Variants in CALY observed in about 807,000 individuals in gnomAD.
CALY encodes calcyon neuron specific vesicular protein.
A neutral mutation model predicts 20.2 loss-of-function variants in CALY; 15 were observed. The observed-to-expected ratio is 0.74, with a 90% CI of 0.50 to 1.14. The LOEUF (loss-of-function observed/expected upper bound fraction) is 1.14. CALY is among the 50% of genes most tolerant of loss of function. The probability of loss-of-function intolerance (pLI) is 0.00; values close to 1 mark genes in which losing one functional copy is unlikely to be tolerated. For synonymous variants in CALY, 129 were observed against 131.8 expected (o/e 0.98, Z 0.15); for missense variants, 270 against 304.4 (o/e 0.89, Z 0.84).
Position 133,336,001 on chromosome 10 carries a change from GC to G in CALY, c.-21+832del, listed in dbSNP as rs925722461. On this transcript the variant is annotated intron_variant, in intron 1 of 5. Transcript: ENST00000252939. ...ACGTCACAGACTCGCTTCCGCATGC[GC>G]CCCCCCCAACCATGGAATGCTGCGT... Among the ~76,000 whole-genome samples the G allele has an allele frequency of 9.2e-5, 14 of 151,742 alleles. No homozygotes were observed. The East Asian group carries it at 9.7e-4, about 11-fold the overall frequency.
intron 1 of CALY, among the ~76,000 whole-genome samples, chr10:133,329,272 C>G (rs972194080): frequency 6.6e-6 from 1 of 152,232 alleles, no homozygotes; most frequent in Admixed American, 6.5e-5. Context: ...TGACTGTCCA[C>G]GAAGCAGGGG....
intron 1 of CALY, among the ~76,000 whole-genome samples, chr10:133,331,014 G>A (rs1430753511): frequency 6.6e-6 from 1 of 152,206 alleles, no homozygotes; most frequent in Non-Finnish European, 1.5e-5. Context: ...CATTTGACAA[G>A]CAATCATATT....
chr10:133,327,861 CTCCTGTCCTG>C, intron 3 of CALY, 34 bp downstream of exon 3: 1 of 1,341,086 alleles, frequency 7.5e-7, no homozygotes, highest in Non-Finnish European at 1.1e-6. Context: ...CCACCTTCTC[CTCCTGTCCTG>C]AGTCCCCACA....
At chr10:133,336,443 CCT>C (rs1848445004) in intron 1 of CALY, among the ~76,000 whole-genome samples, 1 of 152,152 alleles carries the variant, frequency 6.6e-6, no homozygotes, top group Non-Finnish European at 1.5e-5. Flanking sequence ...CCCCACCCCG[CCT>C]CCGGCGGACA....
At chr10:133,332,337 A>G (rs1290798587) in intron 1 of CALY, among the ~76,000 whole-genome samples, 1 of 152,214 alleles carries the variant, frequency 6.6e-6, no homozygotes, top group Non-Finnish European at 1.5e-5. Flanking sequence ...TCCCTACCTC[A>G]CATTACACAG....
Position 133,325,861 on chromosome 10 carries a change from G to T in CALY, c.620C>A (p.Ala207Glu), listed in dbSNP as rs1848195934. The T allele has an allele frequency of 1.6e-6, 2 of 1,240,608 alleles. No individual in the cohort carries two copies. Among genetic ancestry groups the T allele is most frequent in the Non-Finnish European group, 2.0e-6 (2 of 993,974 alleles). The allele number at this position is 1,240,608 out of a possible 1,614,324, so 76.9% of individuals were successfully genotyped here. A position where few individuals can be genotyped will look rare whatever the true frequency, so the allele number is the denominator to read the frequency against. ...AKAEKEAARK[A>E]AGSAAPPPAQ ...GGGCGGGGGCGCCGCGCTCCCGGCCGCCTTCCGCGCCGCCTCCTTCTCCGC... is the reference window on the plus strand; with the variant it reads ...GGGCGGGGGCGCCGCGCTCCCGGCCTCCTTCCGCGCCGCCTCCTTCTCCGC... The change falls in exon 5 of 6, where the codon GCG becomes GAG. Residue 207 changes from alanine (A) to glutamate (E), a missense_variant. Ala to Glu is a moderately radical substitution (Grantham distance 107). Coordinates refer to ENST00000252939, the MANE Select transcript of CALY (RefSeq NM_015722.4).
intron 3 of CALY, chr10:133,327,411 A>C: frequency 2.1e-6 from 1 of 481,168 alleles, no homozygotes. Flanking sequence ...GCAGACTGGA[A>C]CGTGAGGCCA....
At position 133,326,317 on chromosome 10, in the gene CALY, G is replaced by A. The variant is rs1380163813; in HGVS notation, c.361-197C>T. 1.1e-5 allele frequency: 17 copies of A among 1,525,876 alleles called. No homozygotes were observed. The South Asian group carries it at 2.0e-4, about 18-fold the overall frequency. 94.5% of individuals were successfully genotyped at this position (1,525,876 alleles called of 1,614,324 possible). ...TGGAGCAGGAGGTCGCGCGTTGTAAGGGGAGGGGCCACCCAGGGAGAGGGG... is the reference window on the plus strand; with the variant it reads ...TGGAGCAGGAGGTCGCGCGTTGTAAAGGGAGGGGCCACCCAGGGAGAGGGG... On this transcript the variant is annotated intron_variant, in intron 4 of 5. Transcript: ENST00000252939.
chr10:133,331,753 C>T (rs535968794), intron 1 of CALY, among the ~76,000 whole-genome samples: 12 of 152,290 alleles, frequency 7.9e-5, no homozygotes, highest in Middle Eastern at 3.4e-3. Flanking sequence ...AAAATCCCAA[C>T]AGGGTTTTTA....
chr10:133,327,572 A>G, intron 3 of CALY: 1 of 585,068 alleles, frequency 1.7e-6, no homozygotes, highest in Non-Finnish European at 3.0e-6. Context: ...GCAGAAAGGA[A>G]GTATTACATA....
At position 133,324,225 on chromosome 10, in the gene CALY, G is replaced by A. The variant is rs1365954651; in HGVS notation, c.*1370C>T. 3 of 391,320 alleles carry A rather than the reference G, an allele frequency of 7.7e-6. No individual in the cohort carries two copies. In the Admixed American group the frequency reaches 8.4e-5, roughly 11 times the overall value. 24.2% of individuals were successfully genotyped at this position (391,320 alleles called of 1,614,324 possible). On this transcript the variant is annotated 3_prime_UTR_variant, in exon 6 of 6. Coordinates refer to ENST00000252939, the MANE Select transcript of CALY (RefSeq NM_015722.4). The stretch of plus-strand genomic sequence containing the variant: ...GCGTGTGCTTGTTCATCTGGCCAAT[G>A]CCCTTAGAAGCCCAGCAGTGAAGGG...
At chr10:133,333,024 C>A (rs1258682588) in intron 1 of CALY, among the ~76,000 whole-genome samples, 1 of 151,812 alleles carries the variant, frequency 6.6e-6, no homozygotes, top group African/African-American at 2.4e-5. Context: ...GTGACAGCAG[C>A]GCGAGGATGT....
chr10:133,329,294 C>T (rs1259896480), intron 1 of CALY, among the ~76,000 whole-genome samples: 4 of 152,242 alleles, frequency 2.6e-5, no homozygotes, highest in African/African-American at 9.6e-5. Context: ...AGACTTCCAA[C>T]GGCAGCTGCT....
rs1250130540 is a variant in CALY at position 133,324,539 on chromosome 10, G to A, written c.*1056C>T. ...TGCAGTGCTGCAATTGGCTGGGGTG[G>A]GCGGGGCTGCAGTGCTGCAATTGGC... On this transcript the variant is annotated 3_prime_UTR_variant, in exon 6 of 6. Transcript: ENST00000252939. 5.5e-6 allele frequency: 2 copies of A among 360,966 alleles called. No individual in the cohort carries two copies. The highest frequency in any genetic ancestry group is 1.1e-5 in the Non-Finnish European group (2 of 178,492). 22.4% of individuals were successfully genotyped at this position (360,966 alleles called of 1,614,324 possible). A position where few individuals can be genotyped will look rare whatever the true frequency, so the allele number is the denominator to read the frequency against.
At chr10:133,334,898 C>T (rs116289982) in intron 1 of CALY, among the ~76,000 whole-genome samples, 8,372 of 152,184 alleles carry the variant, frequency 0.055, 284 homozygotes, top group African/African-American at 0.095. Context: ...AGAGGCCGTG[C>T]GGTGTCCCCC....
Position 133,326,488 on chromosome 10 carries a change from A to G in CALY, c.361-368T>C, listed in dbSNP as rs560385540. On this transcript the variant is annotated intron_variant, in intron 4 of 5. Transcript: ENST00000252939. Reference sequence around the variant, plus strand: ...TAAAAACACACTAAAAGCTATAACCATTATTGACAAAGAGATTTAAAAAAA... The same window carrying G: ...TAAAAACACACTAAAAGCTATAACCGTTATTGACAAAGAGATTTAAAAAAA... Among the ~76,000 whole-genome samples the G allele has an allele frequency of 1.2e-4, 19 of 152,154 alleles. No homozygotes were observed. The East Asian group carries it at 3.7e-3, about 29-fold the overall frequency.
intron 1 of CALY, among the ~76,000 whole-genome samples, chr10:133,330,193 G>C (rs2133379651): frequency 6.6e-6 from 1 of 152,310 alleles, no homozygotes. Context: ...GTGTGCAGTA[G>C]ACACGGAACC....
At position 133,324,930 on chromosome 10, in the gene CALY, A is replaced by G; in HGVS notation, c.*665T>C. 4.5e-6 allele frequency: 1 copy of G among 220,372 alleles called. No individual in the cohort carries two copies. The allele number at this position is 220,372 out of a possible 1,614,324, so 13.7% of individuals were successfully genotyped here. On this transcript the variant is annotated 3_prime_UTR_variant, in exon 6 of 6. Transcript: ENST00000252939. ...CCTCATCAGGCCCCACTCCCCACTCAGACGCCCCCATTCACTCCTTTCTTC... is the reference window on the plus strand; with the variant it reads ...CCTCATCAGGCCCCACTCCCCACTCGGACGCCCCCATTCACTCCTTTCTTC...
intron 5 of CALY, 83 bp downstream of exon 5, chr10:133,325,716 G>A (rs1848191179): frequency 3.4e-5 from 20 of 587,826 alleles, no homozygotes; most frequent in Non-Finnish European, 4.8e-5. Context: ...AAGGGTGGCG[G>A]GGGTCTTTGG....
Sources: gnomAD v4.1 joint callset for allele counts (sites outside exome capture counted in the v4.1 genomes callset) on GRCh38, gnomAD v4.1.1 for gene constraint, MANE v1.5 for transcripts, NCBI Gene and HGNC (gene_info 2026-07-23, HGNC 2026-07-21) for gene names.